KIAA0513: variants seen among roughly 807,000 people sequenced by gnomAD.
KIAA0513 encodes the protein uncharacterized protein KIAA0513.
In KIAA0513, 39 loss-of-function variants were observed where a neutral mutation model predicts 56.5. The ratio of observed to expected loss-of-function variants is 0.69; its 90% CI spans 0.53 to 0.90. The LOEUF (loss-of-function observed/expected upper bound fraction) is 0.90. KIAA0513 is among the 40% of genes least tolerant of loss of function. KIAA0513 has a pLI of 0.00. For synonymous variants in KIAA0513, 268 were observed against 215.6 expected (o/e 1.24, Z -2.13); for missense variants, 591 against 535.2 (o/e 1.10, Z -1.03).
At chr16:85,086,331 C>T (rs368747569) in intron 10 of KIAA0513, among the ~76,000 whole-genome samples, 152 of 152,376 alleles carry the variant, frequency 1.0e-3, no homozygotes, top group African/African-American at 3.6e-3. Flanking sequence ...GGGCCACCCT[C>T]GCTGCCTGTA....
chr16:85,088,407 A>C lies in KIAA0513; in HGVS notation c.*82A>C. On this transcript the variant is annotated 3_prime_UTR_variant, in exon 13 of 13. Transcript: ENST00000683363. ...CAGCGCCCGGCCGTCACCCCACCCGATGACCTGCATGAAGCCAGCAGCACC... is the reference window on the plus strand; with the variant it reads ...CAGCGCCCGGCCGTCACCCCACCCGCTGACCTGCATGAAGCCAGCAGCACC... 2.5e-6 allele frequency: 3 copies of C among 1,216,556 alleles called. No homozygotes were observed. The highest frequency in any genetic ancestry group is 3.6e-6 in the Non-Finnish European group (3 of 837,054). The allele number at this position is 1,216,556 out of a possible 1,614,324, so 75.4% of individuals were successfully genotyped here. A position where few individuals can be genotyped will look rare whatever the true frequency, so the allele number is the denominator to read the frequency against.
chr16:85,028,546 A>T (rs1235378438), intron 1 of KIAA0513, among the ~76,000 whole-genome samples: 1 of 152,156 alleles, frequency 6.6e-6, no homozygotes, highest in Non-Finnish European at 1.5e-5. Flanking sequence ...CCGCTGGATC[A>T]GATAGAATTG....
rs2073888587 is a variant in KIAA0513, at chr16:85,093,237, A to G, written c.*4912A>G. The stretch of plus-strand genomic sequence containing the variant: ...CACGTGGCCACGGGATTTCAGTGGG[A>G]CAGCGCTCCCACAGGGGCTGGGGGT... On this transcript the variant is annotated 3_prime_UTR_variant, in exon 13 of 13. Transcript: ENST00000683363. The G allele has an allele frequency of 7.0e-6, 1 of 143,398 alleles. No individual in the cohort carries two copies. The highest frequency in any genetic ancestry group is 2.5e-5 in the African/African-American group (1 of 39,430). The allele number at this position is 143,398 out of a possible 1,614,324, so 8.9% of individuals were successfully genotyped here.
chr16:85,040,985 C>T (rs1367622637), intron 1 of KIAA0513, among the ~76,000 whole-genome samples: 2 of 152,180 alleles, frequency 1.3e-5, no homozygotes, highest in African/African-American at 4.8e-5. Context: ...CTCAAAAATG[C>T]ATTTGCATAT....
Position 85,087,141 on chromosome 16 carries a change from G to T in KIAA0513, c.1161G>T (p.Gln387His). The change falls in exon 12 of 13, where the codon CAG becomes CAT. Residue 387 changes from glutamine (Q) to histidine (H), a missense_variant. Transcript: ENST00000683363. ...KKLCNDFLKK[Q>H]AVIGNLDEEQ... ...TGTGCAATGACTTCCTGAAGAAGCAGGCTGTGATTGGCAACCTGGATGAAG... is the reference window on the plus strand; with the variant it reads ...TGTGCAATGACTTCCTGAAGAAGCATGCTGTGATTGGCAACCTGGATGAAG... The T allele has an allele frequency of 1.9e-6, 3 of 1,614,182 alleles. No individual in the cohort carries two copies. The highest frequency in any genetic ancestry group is 2.5e-6 in the Non-Finnish European group (3 of 1,180,010).
intron 11 of KIAA0513, 135 bp from the exon 12 acceptor site, chr16:85,086,937 T>C (rs1416661428): frequency 2.3e-6 from 2 of 886,434 alleles, no homozygotes; most frequent in Non-Finnish European, 3.5e-6. Context: ...GGTGGCTAAT[T>C]AGGCAGCAGT....
At chr16:85,057,538 A>T (rs1404899044) in intron 1 of KIAA0513, among the ~76,000 whole-genome samples, 1 of 152,218 alleles carries the variant, frequency 6.6e-6, no homozygotes. Context: ...GTTTTCAACC[A>T]AAACACATTG....
chr16:85,081,247 A>C lies in KIAA0513; in HGVS notation c.903-68A>C. 7.1e-7 allele frequency: 1 copy of C among 1,415,662 alleles called. No individual in the cohort carries two copies. Among genetic ancestry groups the C allele is most frequent in the Non-Finnish European group, 1.0e-6 (1 of 1,001,132 alleles). The allele number at this position is 1,415,662 out of a possible 1,614,324, so 87.7% of individuals were successfully genotyped here. ...AGACACTGCCCTTGTTTATCCCTCA[A>C]GGGGCCCACAACCCGTGTCCTCCCC... On this transcript the variant is annotated intron_variant, in intron 8 of 12. Transcript: ENST00000683363. This position sits in a 1 kb window ranked among gnomAD's most constrained non-coding sequence, Gnocchi z 4.4.
intron 1 of KIAA0513, among the ~76,000 whole-genome samples, chr16:85,056,468 C>T (rs2073330850): frequency 6.6e-6 from 1 of 152,128 alleles, no homozygotes; most frequent in Admixed American, 6.5e-5. Context: ...CACAGCCCAC[C>T]CCACGGGAAA....
At chr16:85,086,502 C>G (rs1430449888) in intron 10 of KIAA0513, 142 bp from the exon 11 acceptor site, 11 of 769,204 alleles carry the variant, frequency 1.4e-5, no homozygotes, top group Non-Finnish European at 2.2e-5. Context: ...GCACACGGCT[C>G]TCCGGTGGAA....
At chr16:85,056,255 A>C (rs915749682) in intron 1 of KIAA0513, among the ~76,000 whole-genome samples, 3 of 152,006 alleles carry the variant, frequency 2.0e-5, no homozygotes, top group African/African-American at 7.3e-5. Flanking sequence ...TAAGCCTCCC[A>C]CCCTTTGCTC....
Position 85,049,204 on chromosome 16 carries a change from G to T in KIAA0513, c.-172-17696G>T, listed in dbSNP as rs561993127. On this transcript the variant is annotated intron_variant, in intron 1 of 12. Transcript: ENST00000683363. ...GGGTAGGCAGGGACAGACACTAGTGGCTCTTGAGCAGAAGGCTCACTGTGG... is the reference window on the plus strand; with the variant it reads ...GGGTAGGCAGGGACAGACACTAGTGTCTCTTGAGCAGAAGGCTCACTGTGG... 2.0e-5 allele frequency among the ~76,000 whole-genome samples: 3 copies of T among 152,378 alleles called. No individual in the cohort carries two copies. The East Asian group carries it at 5.8e-4, about 29-fold the overall frequency.
intron 1 of KIAA0513, among the ~76,000 whole-genome samples, chr16:85,058,833 G>C (rs1044288919): frequency 2.2e-4 from 33 of 152,190 alleles, no homozygotes; most frequent in African/African-American, 6.5e-4. Flanking sequence ...AGTATCTGCA[G>C]AAAGCTACTC....
At chr16:85,082,664 G>T (rs1474861452) in intron 10 of KIAA0513, 71 bp downstream of exon 10, 2 of 1,492,876 alleles carry the variant, frequency 1.3e-6, no homozygotes, top group South Asian at 1.1e-5. Context: ...CAGGGTGGGG[G>T]CTGTGCACTG....
Position 85,092,296 on chromosome 16 carries a change from G to C in KIAA0513, c.*3971G>C, listed in dbSNP as rs1372352034. 4 of 152,228 alleles carry C rather than the reference G, an allele frequency of 2.6e-5. No individual in the cohort carries two copies. Among genetic ancestry groups the C allele is most frequent in the Admixed American group, 2.6e-4 (4 of 15,286 alleles). 9.4% of individuals were successfully genotyped at this position (152,228 alleles called of 1,614,324 possible). On this transcript the variant is annotated 3_prime_UTR_variant, in exon 13 of 13. Coordinates refer to ENST00000683363, the MANE Select transcript of KIAA0513 (RefSeq NM_001388359.1). ...CAGCTAGGCCCGTGTGGTTAGATCA[G>C]CTTTGTTACTGAATTACCTAAAACC...
At chr16:85,084,279 C>T (rs1259897504) in intron 10 of KIAA0513, among the ~76,000 whole-genome samples, 2 of 139,026 alleles carry the variant, frequency 1.4e-5, no homozygotes, top group Admixed American at 7.4e-5. Flanking sequence ...GACTTTTGCT[C>T]TTGTTGCCCA....
chr16:85,088,208 C>G (rs984222795), intron 12 of KIAA0513, 68 bp from the exon 13 acceptor site: 50 of 1,464,186 alleles, frequency 3.4e-5, no homozygotes, highest in Non-Finnish European at 4.6e-5. Context: ...GTCCGAGTGA[C>G]AAGAGCAGGA....
Position 85,091,700 on chromosome 16 carries a change from A to C in KIAA0513, c.*3375A>C, listed in dbSNP as rs1052866049. 6.6e-6 allele frequency: 1 copy of C among 152,154 alleles called. No homozygotes were observed. 9.4% of individuals were successfully genotyped at this position (152,154 alleles called of 1,614,324 possible). A position where few individuals can be genotyped will look rare whatever the true frequency, so the allele number is the denominator to read the frequency against. On this transcript the variant is annotated 3_prime_UTR_variant, in exon 13 of 13. Coordinates refer to ENST00000683363, the MANE Select transcript of KIAA0513 (RefSeq NM_001388359.1). ...CACTCCTCCCAGCCCAGTAATGCTG[A>C]GGAGTTCAGTTGTGAGGAAAGAAGG...
intron 1 of KIAA0513, among the ~76,000 whole-genome samples, chr16:85,040,669 C>G (rs1465118382): frequency 6.6e-6 from 1 of 152,214 alleles, no homozygotes; most frequent in African/African-American, 2.4e-5. Context: ...TCATTCCCTT[C>G]TCTCTGTTCA....
Sources: gnomAD v4.1 joint callset for allele counts (sites outside exome capture counted in the v4.1 genomes callset) on GRCh38, gnomAD v4.1.1 for gene constraint, Gnocchi (gnomAD v3.1) non-coding constraint, MANE v1.5 for transcripts, NCBI Gene and HGNC (gene_info 2026-07-23, HGNC 2026-07-21) for gene names.